The following RTEL1 variants were observed in gnomAD, a reference collection of about 807,000 sequenced individuals.
The protein encoded by RTEL1 is regulator of telomere length.
Under a neutral mutation model 162.2 loss-of-function variants are expected in RTEL1, and 86 were observed. The observed-to-expected ratio is 0.53, with a 90% CI of 0.45 to 0.63. The LOEUF (loss-of-function observed/expected upper bound fraction) is 0.63. Ranked by LOEUF, RTEL1 falls within the 30% of genes least tolerant of loss-of-function variation. The pLI, the probability that RTEL1 is intolerant of heterozygous loss-of-function variation, is 0.00. For missense variants in RTEL1, 1,941 were observed against 1,750.2 expected, an observed-to-expected ratio of 1.11 and a Z score of -1.95; for synonymous variants, 958 against 717.9, an observed-to-expected ratio of 1.33 and a Z score of -5.35.
Position 63,689,829 on chromosome 20 carries a change from G to A in RTEL1, c.2105G>A (p.Arg702His), listed in dbSNP as rs1035926074. Residue 702 changes from arginine to histidine, a missense_variant, in exon 24 of 35, where the codon CGC becomes CAC. By Grantham distance (29) the Arg-to-His change is conservative. Transcript: ENST00000360203. ...NQAIGRVIRH[R>H]QDYGAVFLCD... The stretch of plus-strand genomic sequence containing the variant: ...GCCATCGGGCGAGTGATCCGGCACC[G>A]CCAGGACTACGGAGCTGTCTTCCTC... 8 of 1,611,334 alleles carry A rather than the reference G, an allele frequency of 5.0e-6. No individual in the cohort carries two copies. The highest frequency in any genetic ancestry group is 2.7e-5 in the African/African-American group (2 of 74,910).
chr20:63,668,637 G>A lies in RTEL1; in HGVS notation c.699+1084G>A, dbSNP rs1274131179. 6.6e-6 allele frequency among the ~76,000 whole-genome samples: 1 copy of A among 152,148 alleles called. No homozygotes were observed. The highest frequency in any genetic ancestry group is 2.4e-5 in the African/African-American group (1 of 41,422). The stretch of plus-strand genomic sequence containing the variant: ...CTGGGGGGCCGACTCCTGGGAAGCT[G>A]TAGCAGAACCCCACAGAGAGCTGGT... On this transcript the variant is annotated intron_variant, in intron 8 of 34. Transcript: ENST00000360203. The surrounding 1 kb of genome is among the most constrained non-coding windows in gnomAD (Gnocchi z 4.3).
At chr20:63,691,088 G>A (rs187676880) in intron 27 of RTEL1, 141 bp downstream of exon 27, 156 of 933,404 alleles carry the variant, frequency 1.7e-4, no homozygotes, top group Non-Finnish European at 2.3e-4. Context: ...GCGGGCGGGG[G>A]ATCCCAGCTG....
At position 63,662,540 on chromosome 20, in the gene RTEL1, C is replaced by T. The variant is rs778603711; in HGVS notation, c.396-6C>T. 19 of 1,613,894 alleles carry T rather than the reference C, an allele frequency of 1.2e-5. No homozygotes were observed. Among genetic ancestry groups the T allele is most frequent in the Non-Finnish European group, 1.4e-5 (16 of 1,179,998 alleles). Reference sequence around the variant, plus strand: ...CTCCTCGACCCACGGTGCTCTCTCCCACCAGGCCTAAGGTGTGTGTGCTGG... The same window carrying T: ...CTCCTCGACCCACGGTGCTCTCTCCTACCAGGCCTAAGGTGTGTGTGCTGG... On this transcript the variant is annotated splice_polypyrimidine_tract_variant and splice_region_variant and intron_variant, in intron 4 of 34. Transcript: ENST00000360203.
intron 27 of RTEL1, among the ~76,000 whole-genome samples, chr20:63,691,239 C>T (rs992151732): frequency 3.9e-5 from 6 of 152,308 alleles, no homozygotes; most frequent in African/African-American, 1.2e-4. Context: ...CACTCAAGGT[C>T]GGGTGCCCCT....
At chr20:63,659,991 A>G (rs915422182) in intron 2 of RTEL1, among the ~76,000 whole-genome samples, 1 of 152,200 alleles carries the variant, frequency 6.6e-6, no homozygotes, top group African/African-American at 2.4e-5. Flanking sequence ...AAGGGAAGGT[A>G]CTATGCCTGG....
In RTEL1 at chr20:63,682,520, T is replaced by C. The variant is rs886848280; in HGVS notation, c.1191+1801T>C. On this transcript the variant is annotated intron_variant, in intron 14 of 34. Coordinates refer to ENST00000360203, the MANE Select transcript of RTEL1 (RefSeq NM_001283009.2). ...CACTCTGGAACCGAATCCTGCACAC[T>C]CCATCGGTTTGGAATTTCCTTTGGC... 4.1e-6 allele frequency: 4 copies of C among 985,586 alleles called. No individual in the cohort carries two copies. The African/African-American group carries it at 5.2e-5, about 13-fold the overall frequency. The allele number at this position is 985,586 out of a possible 1,614,324, so 61.1% of individuals were successfully genotyped here.
chr20:63,675,098 T>G (rs760171151), intron 10 of RTEL1, among the ~76,000 whole-genome samples: 6 of 152,250 alleles, frequency 3.9e-5, no homozygotes, highest in Non-Finnish European at 7.4e-5. Flanking sequence ...GTAGAGATGG[T>G]TTCTCCGTGT....
chr20:63,688,799 G>A (rs956329413), intron 21 of RTEL1, 194 bp downstream of exon 21: 2 of 634,906 alleles, frequency 3.2e-6, no homozygotes, highest in East Asian at 2.7e-5. Context: ...CCGGGTGGGT[G>A]TGGTAACAGT....
At chr20:63,662,912 AG>A in intron 6 of RTEL1, 23 bp downstream of exon 6, 3 of 1,611,654 alleles carry the variant, frequency 1.9e-6, no homozygotes, top group Non-Finnish European at 1.7e-6. Flanking sequence ...GGGTGGGACC[AG>A]GGTCGGGTTG....
rs936779912 is a variant in RTEL1, at chr20:63,661,024, C to T, written c.103-274C>T. Among the ~76,000 whole-genome samples the T allele has an allele frequency of 7.2e-5, 11 of 152,264 alleles. No homozygotes were observed. The highest frequency in any genetic ancestry group is 4.6e-4 in the Admixed American group (7 of 15,290). ...TTTTGAGACTTGACACCTAATTAGT[C>T]ATCTTACTATTTAAGCTGAAAAATA... On this transcript the variant is annotated intron_variant, in intron 2 of 34. Coordinates refer to ENST00000360203, the MANE Select transcript of RTEL1 (RefSeq NM_001283009.2). The surrounding 1 kb of genome is among the most constrained non-coding windows in gnomAD (Gnocchi z 5.1).
chr20:63,677,083 C>T (rs763078183), intron 10 of RTEL1, among the ~76,000 whole-genome samples: 1 of 126,056 alleles, frequency 7.9e-6, no homozygotes, highest in Admixed American at 7.7e-5. Context: ...TGTCCTGACC[C>T]CGGCGGTTGT....
chr20:63,691,106 G>A (rs1194666572), intron 27 of RTEL1, among the ~76,000 whole-genome samples, 159 bp downstream of exon 27: 2 of 152,056 alleles, frequency 1.3e-5, no homozygotes, highest in Non-Finnish European at 2.9e-5. Context: ...CTGCCTGGCT[G>A]TCTGTGGGTC....
In RTEL1 at chr20:63,668,039, ACACT is replaced by A. The variant is rs1268175749; in HGVS notation, c.699+492_699+495del. On this transcript the variant is annotated intron_variant, in intron 8 of 34. Transcript: ENST00000360203. This position sits in a 1 kb window ranked among gnomAD's most constrained non-coding sequence, Gnocchi z 4.3. ...CCCCCCACAGCATGTGCCCGGCCTG[ACACT>A]CACTCCCCTCCTCCCAGTGTGTGCC... Among the ~76,000 whole-genome samples the A allele has an allele frequency of 2.5e-5, 3 of 119,436 alleles. No individual in the cohort carries two copies. Among genetic ancestry groups the A allele is most frequent in the Non-Finnish European group, 3.4e-5 (2 of 58,838 alleles). The allele number at this position is 119,436 out of a possible 152,430, so 78.4% of individuals were successfully genotyped here.
chr20:63,690,077 C>A lies in RTEL1; in HGVS notation c.2142-10C>A. 6.2e-7 allele frequency: 1 copy of A among 1,609,506 alleles called. No homozygotes were observed. The highest frequency in any genetic ancestry group is 1.1e-5 in the South Asian group (1 of 91,014). On this transcript the variant is annotated splice_polypyrimidine_tract_variant and intron_variant, in intron 24 of 34. Transcript: ENST00000360203. ...GTGGGCAGGGCAGCAGGGCTATGGC[C>A]ACCCCCCAGGTTCGCCTTTGCCGAC...
chr20:63,679,843 C>T lies in RTEL1; in HGVS notation c.1038-6C>T, dbSNP rs776111372. On this transcript the variant is annotated splice_region_variant and splice_polypyrimidine_tract_variant and intron_variant, in intron 12 of 34. Transcript: ENST00000360203. ...AGGCTCGAGCCTGCCTTCTTCTCCTCGGCAGCTACATCTTTGAGCTGTTTG... is the reference window on the plus strand; with the variant it reads ...AGGCTCGAGCCTGCCTTCTTCTCCTTGGCAGCTACATCTTTGAGCTGTTTG... 2.8e-5 allele frequency: 45 copies of T among 1,608,246 alleles called. No individual in the cohort carries two copies. Among genetic ancestry groups the T allele is most frequent in the Admixed American group, 1.0e-4 (6 of 60,002 alleles).
At chr20:63,685,654 G>C in intron 15 of RTEL1, 57 bp downstream of exon 15, 1 of 1,592,416 alleles carries the variant, frequency 6.3e-7, no homozygotes, top group Non-Finnish European at 8.5e-7. Context: ...CGGCAGGGCT[G>C]GGGGCCTTAC....
At chr20:63,683,771 A>G (rs1383776230) in intron 14 of RTEL1, among the ~76,000 whole-genome samples, 1 of 152,100 alleles carries the variant, frequency 6.6e-6, no homozygotes, top group African/African-American at 2.4e-5. Flanking sequence ...CTCGTTTTCC[A>G]GGAACGGTCG....
chr20:63,678,247 T>C (rs1484862253), intron 11 of RTEL1, 21 bp from the exon 12 acceptor site: 1 of 1,612,018 alleles, frequency 6.2e-7, no homozygotes, highest in Non-Finnish European at 8.5e-7. Flanking sequence ...AGGAGGTGGG[T>C]GACACCTCCT....
At chr20:63,663,934 C>T (rs577250089) in intron 6 of RTEL1, among the ~76,000 whole-genome samples, 1 of 152,198 alleles carries the variant, frequency 6.6e-6, no homozygotes, top group Non-Finnish European at 1.5e-5. Flanking sequence ...GGCCCTGGCC[C>T]TTGGAGGGAC....
Sources: allele counts gnomAD v4.1 joint callset (sites outside exome capture counted in the v4.1 genomes callset), GRCh38; gene constraint gnomAD v4.1.1; non-coding constraint Gnocchi (gnomAD v3.1); transcripts MANE v1.5; gene names NCBI Gene and HGNC (gene_info 2026-07-23, HGNC 2026-07-21).